Variants in STPG2 observed in about 807,000 individuals in gnomAD.
STPG2 encodes the protein sperm tail PG-rich repeat containing 2.
A neutral mutation model predicts 54.2 loss-of-function variants in STPG2; 56 were observed. That is an observed-to-expected ratio of 1.03 (90% CI 0.83 to 1.29). The LOEUF (loss-of-function observed/expected upper bound fraction) is 1.29, where lower values mean the gene tolerates loss of function less well. Ranked by LOEUF, STPG2 falls within the 50% of genes most tolerant of loss-of-function variation. The pLI, the probability that STPG2 is intolerant of heterozygous loss-of-function variation, is 0.00. For missense variants in STPG2, 596 were observed against 544.9 expected (o/e 1.09, Z -0.93); for synonymous variants, 200 against 181.8 (o/e 1.10, Z -0.81).
chr4:98,133,675 T>C (rs879877777), intron 2 of STPG2, among the ~76,000 whole-genome samples: 2 of 152,030 alleles, frequency 1.3e-5, no homozygotes, highest in Non-Finnish European at 2.9e-5. Context: ...TTAAAAGCCA[T>C]TACCATAGGC....
At chr4:97,797,031 T>G (rs1560532082) in intron 9 of STPG2, among the ~76,000 whole-genome samples, 3 of 152,238 alleles carry the variant, frequency 2.0e-5, no homozygotes, top group Non-Finnish European at 4.4e-5. Flanking sequence ...TTTTGCACAT[T>G]GATTTTGTAT....
chr4:97,915,934 G>T (rs1228498624), intron 8 of STPG2, among the ~76,000 whole-genome samples: 1 of 152,268 alleles, frequency 6.6e-6, no homozygotes, highest in East Asian at 1.9e-4. Flanking sequence ...GGTAGGAAAA[G>T]CAGTTAGAAG....
chr4:97,822,747 A>C (rs1251219795), intron 9 of STPG2, among the ~76,000 whole-genome samples: 2 of 152,150 alleles, frequency 1.3e-5, no homozygotes, highest in Admixed American at 6.5e-5. Flanking sequence ...ACACACTTTT[A>C]AATGACCAGA....
chr4:97,824,553 C>G (rs565361862), intron 9 of STPG2, among the ~76,000 whole-genome samples: 12 of 152,264 alleles, frequency 7.9e-5, no homozygotes, highest in South Asian at 4.1e-4. Flanking sequence ...CTTAGGGCCC[C>G]ATAAGCCCTC....
In STPG2 at chr4:97,597,273, A is replaced by C. The variant is rs117566330; in HGVS notation, c.1321-38156T>G. 6.5e-4 allele frequency among the ~76,000 whole-genome samples: 99 copies of C among 152,200 alleles called. No individual in the cohort carries two copies. The East Asian group carries it at 0.019, about 29-fold the overall frequency. On this transcript the variant is annotated intron_variant, in intron 10 of 10. Transcript: ENST00000295268. ...AAATTGAATCAGTTATAAAAATCCT[A>C]CCAATGAAAAAAAGCCCACAACCAG...
At chr4:97,841,770 C>A (rs1728808982) in intron 8 of STPG2, among the ~76,000 whole-genome samples, 1 of 151,692 alleles carries the variant, frequency 6.6e-6, no homozygotes, top group African/African-American at 2.4e-5. Context: ...TTAAGCAAGC[C>A]ACTTACCCTC....
At chr4:97,770,461 G>T (rs563465650) in intron 9 of STPG2, among the ~76,000 whole-genome samples, 1 of 152,282 alleles carries the variant, frequency 6.6e-6, no homozygotes, top group South Asian at 2.1e-4. Flanking sequence ...GCAGCGGAGA[G>T]AAAAGAAGGA....
chr4:97,740,366 A>G (rs1475491375), intron 9 of STPG2, among the ~76,000 whole-genome samples: 2 of 151,966 alleles, frequency 1.3e-5, no homozygotes, highest in Non-Finnish European at 2.9e-5. Context: ...CTGGCCAGGG[A>G]ATTAGGCAGG....
intron 5 of STPG2, among the ~76,000 whole-genome samples, chr4:97,994,107 C>A (rs1051997927): frequency 6.6e-6 from 1 of 151,574 alleles, no homozygotes; most frequent in African/African-American, 2.4e-5. Flanking sequence ...TAGTTCTGCC[C>A]TGATTTTTGT....
At chr4:97,501,326 T>G (rs563912946) in intron 4 of STPG2, among the ~76,000 whole-genome samples, 2 of 150,828 alleles carry the variant, frequency 1.3e-5, no homozygotes, top group African/African-American at 2.4e-5. Flanking sequence ...TTCAAAGAAA[T>G]AGCATACATG....
intron 10 of STPG2, among the ~76,000 whole-genome samples, chr4:97,689,015 A>C (rs929700904): frequency 6.6e-6 from 1 of 152,084 alleles, no homozygotes; most frequent in East Asian, 1.9e-4. Flanking sequence ...TTTAAACCCT[A>C]TTTGTTACTT....
intron 1 of STPG2, among the ~76,000 whole-genome samples, chr4:98,137,353 T>C (rs1740162140): frequency 6.6e-6 from 1 of 151,776 alleles, no homozygotes; most frequent in Admixed American, 6.6e-5. Context: ...TGTTTAACTG[T>C]AGGGCAGAAA....
intron 8 of STPG2, among the ~76,000 whole-genome samples, chr4:97,917,579 T>C (rs1731930189): frequency 6.6e-6 from 1 of 152,162 alleles, no homozygotes; most frequent in African/African-American, 2.4e-5. Flanking sequence ...TGGTTAAAAC[T>C]TAAAATAATA....
intron 10 of STPG2, among the ~76,000 whole-genome samples, chr4:97,583,578 G>C (rs975672738): frequency 6.6e-5 from 10 of 151,060 alleles, no homozygotes; most frequent in Admixed American, 5.3e-4. Flanking sequence ...CCAGTGCAAT[G>C]GGCCATTTAG....
At chr4:98,065,075 G>C (rs550034852) in intron 5 of STPG2, among the ~76,000 whole-genome samples, 3 of 151,820 alleles carry the variant, frequency 2.0e-5, no homozygotes, top group African/African-American at 7.3e-5. Flanking sequence ...AATTTGAAAA[G>C]GTATTTTTTA....
intron 9 of STPG2, among the ~76,000 whole-genome samples, chr4:97,781,781 G>A (rs1161642235): frequency 6.6e-6 from 1 of 151,946 alleles, no homozygotes; most frequent in Non-Finnish European, 1.5e-5. Context: ...GTTCAACATA[G>A]GCAAATCAAT....
At chr4:97,542,844 A>G (rs532177012) in intron 4 of STPG2, among the ~76,000 whole-genome samples, 74 of 152,124 alleles carry the variant, frequency 4.9e-4, no homozygotes, top group Non-Finnish European at 9.4e-4. Context: ...GCTGGAAACC[A>G]TCATTCTCAG....
intron 9 of STPG2, among the ~76,000 whole-genome samples, chr4:97,818,435 G>T (rs1727981504): frequency 6.6e-6 from 1 of 151,516 alleles, no homozygotes; most frequent in Non-Finnish European, 1.5e-5. Flanking sequence ...TGTTATAAAA[G>T]TTGTGTGAAT....
chr4:97,518,551 C>A (rs963351986), intron 4 of STPG2, among the ~76,000 whole-genome samples: 1 of 151,924 alleles, frequency 6.6e-6, no homozygotes, highest in African/African-American at 2.4e-5. Context: ...AAATTGCCTT[C>A]AAAAATAATT....
Sources: gnomAD v4.1 joint callset for allele counts (sites outside exome capture counted in the v4.1 genomes callset) on GRCh38, gnomAD v4.1.1 for gene constraint, MANE v1.5 for transcripts, NCBI Gene and HGNC (gene_info 2026-07-23, HGNC 2026-07-21) for gene names.